NPRL3: variants seen among roughly 807,000 people sequenced by gnomAD.
NPRL3 encodes the protein GATOR1 complex protein NPRL3.
In NPRL3, 23 loss-of-function variants were observed where a neutral mutation model predicts 57.2. That is an observed-to-expected ratio of 0.40 (90% confidence interval 0.29 to 0.57). The LOEUF (loss-of-function observed/expected upper bound fraction) is 0.57. NPRL3 is among the 20% of genes least tolerant of loss of function. NPRL3 has a pLI of 0.42. For missense variants in NPRL3, 691 were observed against 767.1 expected, an observed-to-expected ratio of 0.90 and a Z score of 1.17; for synonymous variants, 333 against 321.1, an observed-to-expected ratio of 1.04 and a Z score of -0.39.
At chr16:93,400 G>T (rs1898849434) in intron 9 of NPRL3, 75 bp from the exon 10 acceptor site, 4 of 946,654 alleles carry the variant, frequency 4.2e-6, no homozygotes, top group African/African-American at 1.6e-5. Flanking sequence ...CTCTCAGCCT[G>T]GGTGGCCATG....
At chr16:98,977 T>A (rs1276485863) in intron 8 of NPRL3, among the ~76,000 whole-genome samples, 1 of 151,762 alleles carries the variant, frequency 6.6e-6, no homozygotes, top group African/African-American at 2.4e-5. Flanking sequence ...TATGTCACCC[T>A]CGGAAAAAAA....
chr16:88,827 G>A lies in NPRL3; in HGVS notation c.1415C>T (p.Pro472Leu). ...SMDNSSAELL[P>L]SGDSPLNQRM... Reference sequence around the variant, plus strand: ...CTGGTTCAGTGGCGAGTCCCCGCTGGGAAGTAGCTCTGCGCTGGAGTTGTC... The same window carrying A: ...CTGGTTCAGTGGCGAGTCCCCGCTGAGAAGTAGCTCTGCGCTGGAGTTGTC... Residue 472 changes from proline to leucine, a missense_variant, in exon 13 of 14, where the codon CCC becomes CTC. Pro to Leu is a moderately conservative substitution (Grantham distance 98). Coordinates refer to ENST00000611875, the MANE Select transcript of NPRL3 (RefSeq NM_001077350.3). 1 of 1,613,876 alleles carries A rather than the reference G, an allele frequency of 6.2e-7. No individual in the cohort carries two copies. The highest frequency in any genetic ancestry group is 8.5e-7 in the Non-Finnish European group (1 of 1,179,862).
chr16:101,518 A>C (rs1409205819), intron 7 of NPRL3, among the ~76,000 whole-genome samples: 1 of 152,210 alleles, frequency 6.6e-6, no homozygotes, highest in Non-Finnish European at 1.5e-5. Context: ...CAGGCCAAAC[A>C]TAGCAACACC....
intron 2 of NPRL3, among the ~76,000 whole-genome samples, chr16:136,267 C>T (rs1009412170): frequency 2.6e-5 from 4 of 152,242 alleles, no homozygotes; most frequent in Admixed American, 6.5e-5. Flanking sequence ...TGGAATTCAC[C>T]GTGGCCGGTA....
chr16:110,810 A>T (rs1382714016), intron 6 of NPRL3, among the ~76,000 whole-genome samples: 2 of 152,066 alleles, frequency 1.3e-5, no homozygotes, highest in African/African-American at 4.8e-5. Context: ...TTGGCCTCCC[A>T]AACTGCTGGG....
chr16:112,346 T>C (rs140393722), intron 6 of NPRL3, among the ~76,000 whole-genome samples: 48 of 152,354 alleles, frequency 3.2e-4, no homozygotes, highest in Non-Finnish European at 3.7e-4. Flanking sequence ...GTGAAGATCA[T>C]GTAACTTCTC....
In NPRL3 at chr16:89,803, G is replaced by T; in HGVS notation, c.1261C>A (p.Pro421Thr). The T allele has an allele frequency of 6.3e-7, 1 of 1,595,786 alleles. No homozygotes were observed. Among genetic ancestry groups the T allele is most frequent in the Non-Finnish European group, 8.5e-7 (1 of 1,172,768 alleles). The change falls in exon 12 of 14, where the codon CCC (proline) becomes ACC (threonine). Residue 421 changes from proline (P) to threonine (T), a missense_variant. Coordinates refer to ENST00000611875, the MANE Select transcript of NPRL3 (RefSeq NM_001077350.3). Reference protein sequence around the residue: ...CLMASPSEEEPRPREDDVPFT... With the variant: ...CLMASPSEEETRPREDDVPFT... ...GGGACGTCGTCCTCTCGCGGACGGG[G>T]CTCCTCCTCGCTGGGTGAGGCCATC... is the stretch of plus-strand genomic sequence containing the variant.
chr16:113,013 C>T (rs1273201515), intron 5 of NPRL3, among the ~76,000 whole-genome samples: 1 of 152,190 alleles, frequency 6.6e-6, no homozygotes. Flanking sequence ...TTGGGAGTGG[C>T]TGCCTGAATA....
chr16:100,582 C>A, intron 7 of NPRL3, 73 bp from the exon 8 acceptor site: 9 of 1,320,978 alleles, frequency 6.8e-6, no homozygotes, highest in Non-Finnish European at 8.8e-6. Context: ...AAACACCCTG[C>A]TCAATGGTGC....
chr16:101,992 C>T (rs533628040), intron 7 of NPRL3, among the ~76,000 whole-genome samples: 6 of 152,344 alleles, frequency 3.9e-5, no homozygotes, highest in African/African-American at 1.4e-4. Flanking sequence ...CTGCTCTCTA[C>T]ACATTGTAAA....
intron 12 of NPRL3, 103 bp downstream of exon 12, chr16:89,610 G>C: frequency 9.0e-7 from 1 of 1,117,076 alleles, no homozygotes; most frequent in Non-Finnish European, 1.2e-6. Context: ...GTGCAGCTGT[G>C]TGGAGGCCCC....
At chr16:119,765 C>A (rs1271990431) in intron 3 of NPRL3, among the ~76,000 whole-genome samples, 1 of 152,250 alleles carries the variant, frequency 6.6e-6, no homozygotes, top group Non-Finnish European at 1.5e-5. Context: ...GCGCTGACTT[C>A]CTTCCTCATA....
intron 3 of NPRL3, chr16:123,499 G>A (rs557256903): frequency 1.2e-4 from 55 of 470,974 alleles, no homozygotes; most frequent in African/African-American, 2.0e-4. Flanking sequence ...GAGAGGTCTC[G>A]GTCTTACCCT....
At chr16:87,598 G>A (rs878950805) in intron 13 of NPRL3, among the ~76,000 whole-genome samples, 4 of 148,574 alleles carry the variant, frequency 2.7e-5, no homozygotes, top group African/African-American at 1.0e-4. Flanking sequence ...GCAGTGGCGC[G>A]ATCTGGGCTC....
chr16:111,448 ATTTAT>A (rs1173078974), intron 6 of NPRL3, among the ~76,000 whole-genome samples: 3 of 151,588 alleles, frequency 2.0e-5, no homozygotes, highest in Admixed American at 6.6e-5. Flanking sequence ...TTTTATTTTT[ATTTAT>A]TTATTTTTTT....
chr16:90,233 C>CCTGTG (rs1322322089), intron 11 of NPRL3: 2 of 315,208 alleles, frequency 6.3e-6, no homozygotes, highest in African/African-American at 2.2e-5. Context: ...AACCCCCCAC[C>CCTGTG]CTGTGCTGCT....
chr16:85,997 G>A lies in NPRL3; in HGVS notation c.*708C>T, dbSNP rs542526095. 9 of 499,060 alleles carry A rather than the reference G, an allele frequency of 1.8e-5. No individual in the cohort carries two copies. The highest frequency in any genetic ancestry group is 7.9e-5 in the Admixed American group (2 of 25,318). The allele number at this position is 499,060 out of a possible 1,614,324, so 30.9% of individuals were successfully genotyped here. On this transcript the variant is annotated 3_prime_UTR_variant, in exon 14 of 14. Transcript: ENST00000611875. ...ATCAGTGTGGGAGCCGAAAGCCCCC[G>A]AGGGTGGGGTCCTGCACAGTGGGCC...
At chr16:97,853 A>G (rs981707496) in intron 9 of NPRL3, among the ~76,000 whole-genome samples, 2 of 151,958 alleles carry the variant, frequency 1.3e-5, no homozygotes, top group African/African-American at 4.8e-5. Flanking sequence ...CTGGTGCCTC[A>G]ACCTCCAGGA....
chr16:91,677 G>A (rs993417206), intron 11 of NPRL3, among the ~76,000 whole-genome samples: 15 of 152,362 alleles, frequency 9.8e-5, no homozygotes, highest in Admixed American at 7.2e-4. Flanking sequence ...CAGGTTTAGC[G>A]TCTAACGGAG....
Sources: allele counts gnomAD v4.1 joint callset (sites outside exome capture counted in the v4.1 genomes callset), GRCh38; gene constraint gnomAD v4.1.1; transcripts MANE v1.5; gene names NCBI Gene and HGNC (gene_info 2026-07-23, HGNC 2026-07-21).